Variants in PGPEP1L observed in about 807,000 individuals in gnomAD.
PGPEP1L encodes pyroglutamyl-peptidase I like.
Under a neutral mutation model 6.0 loss-of-function variants are expected in PGPEP1L, and 7 were observed. That is an observed-to-expected ratio of 1.17 (90% CI 0.66 to 2.19). PGPEP1L has a LOEUF of 2.19. PGPEP1L is among the 30% of genes most tolerant of loss of function. PGPEP1L has a pLI of 0.00. For missense variants in PGPEP1L, 209 were observed against 192.5 expected, an observed-to-expected ratio of 1.09 and a Z score of -0.51; for synonymous variants, 103 against 83.9, an observed-to-expected ratio of 1.23 and a Z score of -1.24.
chr15:98,975,425 G>C (rs1370789658), intron 2 of PGPEP1L, among the ~76,000 whole-genome samples: 2 of 152,170 alleles, frequency 1.3e-5, no homozygotes, highest in Non-Finnish European at 2.9e-5. Context: ...GGTGACAATA[G>C]TTAACATTAA....
intron 2 of PGPEP1L, among the ~76,000 whole-genome samples, chr15:99,000,085 G>C (rs868956474): frequency 6.6e-6 from 1 of 152,362 alleles, no homozygotes. Flanking sequence ...TGCGTGCAGT[G>C]CTTGCGGGCC....
intron 2 of PGPEP1L, among the ~76,000 whole-genome samples, chr15:99,002,842 GATTCCTGTGACA>G (rs1555473207): frequency 3.4e-5 from 5 of 146,436 alleles, no homozygotes; most frequent in African/African-American, 1.3e-4. Flanking sequence ...TTCCACCTCT[GATTCCTGTGACA>G]TATTTCTCAA....
intron 2 of PGPEP1L, among the ~76,000 whole-genome samples, chr15:98,999,061 C>G (rs992318827): frequency 2.0e-5 from 3 of 152,128 alleles, no homozygotes; most frequent in African/African-American, 4.8e-5. Context: ...GATTTGAAAC[C>G]AAAAGCAGGC....
rs76187497 is a variant in PGPEP1L at position 98,987,465 on chromosome 15, G to A, written c.-141-16307C>T. Among the ~76,000 whole-genome samples the A allele has an allele frequency of 9.5e-3, 1,444 of 152,148 alleles. 31 individuals carry two copies. Among genetic ancestry groups the A allele is most frequent in the East Asian group, 0.067 (344 of 5,148 alleles). Reference sequence around the variant, plus strand: ...CCAAGCTTCCCAGGACAGAAGTAAAGCCTGAGGTGGGCAGGGGTGGTGGTG... The same window carrying A: ...CCAAGCTTCCCAGGACAGAAGTAAAACCTGAGGTGGGCAGGGGTGGTGGTG... On this transcript the variant is annotated intron_variant, in intron 2 of 4. Coordinates refer to ENST00000535714, the MANE Select transcript of PGPEP1L (RefSeq NM_001167902.2).
At chr15:98,983,320 T>C (rs188045235) in intron 2 of PGPEP1L, among the ~76,000 whole-genome samples, 4 of 152,282 alleles carry the variant, frequency 2.6e-5, no homozygotes, top group Admixed American at 2.6e-4. Context: ...TTCATTATTA[T>C]TATTATTATT....
At chr15:99,006,744 G>A (rs1317360868) in intron 1 of PGPEP1L, among the ~76,000 whole-genome samples, 1 of 152,220 alleles carries the variant, frequency 6.6e-6, no homozygotes, top group Admixed American at 6.5e-5. Flanking sequence ...TGAGCCGTCA[G>A]TCGTAACTGC....
chr15:98,977,671 T>C (rs1596514209), intron 2 of PGPEP1L, among the ~76,000 whole-genome samples: 3 of 152,220 alleles, frequency 2.0e-5, no homozygotes, highest in South Asian at 4.1e-4. Flanking sequence ...TGGAGTGTTC[T>C]ACAAATGTCA....
chr15:98,999,414 TAGAA>T (rs2017929735), intron 2 of PGPEP1L, among the ~76,000 whole-genome samples: 4 of 152,190 alleles, frequency 2.6e-5, no homozygotes, highest in South Asian at 2.1e-4. Context: ...GTGGCTAAAA[TAGAA>T]AGACTGATAA....
At chr15:99,001,032 C>G (rs1334143484) in intron 2 of PGPEP1L, among the ~76,000 whole-genome samples, 2 of 152,022 alleles carry the variant, frequency 1.3e-5, no homozygotes, top group Non-Finnish European at 2.9e-5. Context: ...GACACGCTGC[C>G]TTAAGAGCTG....
chr15:98,973,778 A>T (rs530584827), intron 2 of PGPEP1L, among the ~76,000 whole-genome samples: 1 of 152,190 alleles, frequency 6.6e-6, no homozygotes, highest in Middle Eastern at 3.2e-3. Flanking sequence ...TAAACAGCCT[A>T]ATGATGCACC....
At chr15:98,982,127 G>A (rs1299912514) in intron 2 of PGPEP1L, among the ~76,000 whole-genome samples, 1 of 152,198 alleles carries the variant, frequency 6.6e-6, no homozygotes, top group African/African-American at 2.4e-5. Flanking sequence ...GTTTCCTTGA[G>A]CGTTTACTAG....
chr15:99,006,952 C>T (rs1394491001), intron 1 of PGPEP1L, among the ~76,000 whole-genome samples: 1 of 152,198 alleles, frequency 6.6e-6, no homozygotes, highest in African/African-American at 2.4e-5. Context: ...AAGCACCCTG[C>T]GGCCTCTAGA....
chr15:98,968,870 A>G (rs955929583), intron 4 of PGPEP1L, among the ~76,000 whole-genome samples, 173 bp from the exon 5 acceptor site: 2 of 152,248 alleles, frequency 1.3e-5, no homozygotes, highest in Non-Finnish European at 2.9e-5. Context: ...TGAGCTGGGG[A>G]GAGCTGGCTC....
At chr15:98,990,259 G>T (rs2017801497) in intron 2 of PGPEP1L, among the ~76,000 whole-genome samples, 1 of 151,908 alleles carries the variant, frequency 6.6e-6, no homozygotes, top group Non-Finnish European at 1.5e-5. Flanking sequence ...ATAAAGGGAT[G>T]GAGGAATATT....
chr15:98,984,475 C>G lies in PGPEP1L; in HGVS notation c.-141-13317G>C, dbSNP rs114559435. ...AGATGGGGATATGTTACACAGGACC[C>G]TAGAGACAGTGAGACGCTTGTATTG... is the stretch of plus-strand genomic sequence containing the variant. On this transcript the variant is annotated intron_variant, in intron 2 of 4. Coordinates refer to ENST00000535714, the MANE Select transcript of PGPEP1L (RefSeq NM_001167902.2). 9.7e-3 allele frequency among the ~76,000 whole-genome samples: 1,473 copies of G among 152,188 alleles called. 33 individuals are homozygous for G. The highest frequency in any genetic ancestry group is 0.034 in the African/African-American group (1,415 of 41,516).
intron 2 of PGPEP1L, among the ~76,000 whole-genome samples, chr15:99,003,963 G>C (rs528313791): frequency 5.4e-5 from 8 of 148,536 alleles, no homozygotes; most frequent in African/African-American, 1.5e-4. Flanking sequence ...GTTTCCCAAA[G>C]AACTTTTTCT....
rs574043888 is a variant in PGPEP1L, at chr15:98,984,914, G to A, written c.-141-13756C>T. Among the ~76,000 whole-genome samples, 90 of 152,188 alleles carry A rather than the reference G, an allele frequency of 5.9e-4. No individual in the cohort carries two copies. In the Middle Eastern group the frequency reaches 0.01, roughly 17 times the overall value. Reference sequence around the variant, plus strand: ...ACAAACTCGACTGGCAGAGGGTACCGGAACCCTGGACGTGGGCCTGCCAGC... The same window carrying A: ...ACAAACTCGACTGGCAGAGGGTACCAGAACCCTGGACGTGGGCCTGCCAGC... On this transcript the variant is annotated intron_variant, in intron 2 of 4. Coordinates refer to ENST00000535714, the MANE Select transcript of PGPEP1L (RefSeq NM_001167902.2).
chr15:98,969,315 G>T, intron 4 of PGPEP1L, 110 bp downstream of exon 4: 1 of 1,396,510 alleles, frequency 7.2e-7, no homozygotes, highest in South Asian at 1.2e-5. Flanking sequence ...GCACCGCATG[G>T]CCAAGTGGCC....
At chr15:99,006,781 G>C (rs1181552038) in intron 1 of PGPEP1L, among the ~76,000 whole-genome samples, 1 of 149,830 alleles carries the variant, frequency 6.7e-6, no homozygotes, top group African/African-American at 2.5e-5. Context: ...CTGGGTGACA[G>C]AGTGAGACCC....
Sources: allele counts gnomAD v4.1 joint callset (sites outside exome capture counted in the v4.1 genomes callset), GRCh38; gene constraint gnomAD v4.1.1; transcripts MANE v1.5; gene names NCBI Gene and HGNC (gene_info 2026-07-23, HGNC 2026-07-21).